ARPC3: variants seen among roughly 807,000 people sequenced by gnomAD.
The protein encoded by ARPC3 is actin related protein 2/3 complex subunit 3.
Under a neutral mutation model 27.6 loss-of-function variants are expected in ARPC3, and 12 were observed. The ratio of observed to expected loss-of-function variants is 0.43; its 90% confidence interval spans 0.28 to 0.70. The LOEUF (loss-of-function observed/expected upper bound fraction) is 0.70, where lower values mean the gene tolerates loss of function less well. Ranked by LOEUF, ARPC3 falls within the 30% of genes least tolerant of loss-of-function variation. ARPC3 has a pLI of 0.17. For synonymous variants in ARPC3, 53 were observed against 67.2 expected, an observed-to-expected ratio of 0.79 and a Z score of 1.03; for missense variants, 153 against 207.7, an observed-to-expected ratio of 0.74 and a Z score of 1.62.
At chr12:110,441,348 G>A (rs1436923665) in intron 2 of ARPC3, among the ~76,000 whole-genome samples, 1 of 151,450 alleles carries the variant, frequency 6.6e-6, no homozygotes, top group African/African-American at 2.4e-5. Flanking sequence ...GGTCAGGCTG[G>A]TCTCGAACTC....
chr12:110,443,428 A>G (rs1214782183), intron 2 of ARPC3, among the ~76,000 whole-genome samples: 2 of 148,616 alleles, frequency 1.3e-5, no homozygotes, highest in African/African-American at 2.5e-5. Flanking sequence ...GCCACGCCCT[A>G]TTTTTTATTT....
chr12:110,438,651 A>T (rs574536859), intron 3 of ARPC3, among the ~76,000 whole-genome samples: 9 of 142,594 alleles, frequency 6.3e-5, no homozygotes, highest in East Asian at 2.1e-4. Context: ...TTTCCTATAT[A>T]TTTTTTTTTT....
intron 2 of ARPC3, among the ~76,000 whole-genome samples, chr12:110,443,281 G>A (rs932094955): frequency 6.6e-6 from 1 of 151,898 alleles, no homozygotes; most frequent in Admixed American, 6.6e-5. Flanking sequence ...ACCACGCTTG[G>A]CTAATTTTTT....
intron 1 of ARPC3, among the ~76,000 whole-genome samples, chr12:110,445,964 C>A (rs1052812979): frequency 6.6e-6 from 1 of 151,800 alleles, no homozygotes; most frequent in Non-Finnish European, 1.5e-5. Context: ...ATTAGCCAGG[C>A]GTGGCGGCGT....
At chr12:110,447,856 C>T (rs1454838571) in intron 1 of ARPC3, among the ~76,000 whole-genome samples, 3 of 147,956 alleles carry the variant, frequency 2.0e-5, no homozygotes, top group Non-Finnish European at 4.5e-5. Flanking sequence ...GCTCTATGTG[C>T]GATTGGAACC....
chr12:110,442,126 C>T (rs971971360), intron 2 of ARPC3, among the ~76,000 whole-genome samples: 3 of 151,838 alleles, frequency 2.0e-5, no homozygotes, highest in African/African-American at 7.3e-5. Context: ...CTCCTGCCTC[C>T]TGAGTAGCTA....
At chr12:110,437,872 A>G (rs1430001868) in intron 3 of ARPC3, among the ~76,000 whole-genome samples, 1 of 152,202 alleles carries the variant, frequency 6.6e-6, no homozygotes, top group East Asian at 1.9e-4. Flanking sequence ...TAAAGGAGGA[A>G]GCAACTATTT....
chr12:110,445,592 G>C, intron 1 of ARPC3, 41 bp from the exon 2 acceptor site: 1 of 1,431,804 alleles, frequency 7.0e-7, no homozygotes, highest in Non-Finnish European at 9.9e-7. Context: ...AGCAGAAAAA[G>C]AGCAAATGTC....
intron 2 of ARPC3, among the ~76,000 whole-genome samples, chr12:110,441,675 C>G (rs578182759): frequency 6.6e-6 from 1 of 151,942 alleles, no homozygotes; most frequent in Non-Finnish European, 1.5e-5. Context: ...GGACTACAGG[C>G]ATGCACCATG....
intron 2 of ARPC3, 93 bp from the exon 3 acceptor site, chr12:110,440,481 TGTCAACA>T: frequency 1.2e-6 from 1 of 809,594 alleles, no homozygotes; most frequent in Non-Finnish European, 2.2e-6. Flanking sequence ...CACATACAAC[TGTCAACA>T]GTTGTGGAGT....
In ARPC3 at chr12:110,435,160, G is replaced by A. The variant is rs1372405968; in HGVS notation, c.532C>T (p.Gln178Ter). Residue 178 changes from glutamine (Q) to a stop codon, truncating the protein, a stop_gained, in exon 7 of 7, where the codon CAG becomes TAG. Coordinates refer to ENST00000228825, the MANE Select transcript of ARPC3 (RefSeq NM_001278556.2). LOFTEE classifies it high-confidence loss of function. ...GGTGGCTGCCCGGGCTCCCTTCACT[G>A]TCCAGGTCCTGAAAGACTCTTGTTC... Reference protein sequence around the residue: ...FMNKSLSGPGQ With the variant: ...FMNKSLSGPG 1.2e-6 allele frequency: 2 copies of A among 1,613,584 alleles called. No individual in the cohort carries two copies. The highest frequency in any genetic ancestry group is 2.2e-5 in the East Asian group (1 of 44,882).
chr12:110,440,291 A>G (rs762634890), intron 3 of ARPC3, 21 bp downstream of exon 3: 21 of 1,541,758 alleles, frequency 1.4e-5, no homozygotes, highest in African/African-American at 2.7e-5. Context: ...TAAGTTAAAT[A>G]TTAAAAGCTC....
intron 1 of ARPC3, 88 bp downstream of exon 1, chr12:110,450,167 C>A: frequency 6.4e-7 from 1 of 1,573,096 alleles, no homozygotes; most frequent in Non-Finnish European, 8.7e-7. Context: ...CTCTGCCTTC[C>A]GCCGCCCGCT....
chr12:110,439,224 G>A (rs2062422341), intron 3 of ARPC3, among the ~76,000 whole-genome samples: 1 of 151,994 alleles, frequency 6.6e-6, no homozygotes, highest in Non-Finnish European at 1.5e-5. Flanking sequence ...GGCATCATGT[G>A]ATCCACCCGC....
intron 1 of ARPC3, among the ~76,000 whole-genome samples, chr12:110,448,787 G>C (rs566208282): frequency 5.6e-5 from 6 of 107,702 alleles, no homozygotes; most frequent in Admixed American, 2.5e-4. Flanking sequence ...CCGGGGGGGG[G>C]GGGGGTGGTG....
At chr12:110,439,825 C>A (rs1321052995) in intron 3 of ARPC3, among the ~76,000 whole-genome samples, 1 of 152,160 alleles carries the variant, frequency 6.6e-6, no homozygotes, top group Non-Finnish European at 1.5e-5. Flanking sequence ...CGGAGCAAGA[C>A]CCTGTCTCAA....
rs554124460 is a variant in ARPC3 at position 110,442,446 on chromosome 12, A to G, written c.107-2058T>C. Among the ~76,000 whole-genome samples the G allele has an allele frequency of 2.0e-5, 3 of 152,172 alleles. No individual in the cohort carries two copies. The East Asian group carries it at 5.8e-4, about 29-fold the overall frequency. ...AACATGGAGAAACCCTGTCTCTACT[A>G]AAAATACAAAAACTAGCCGGGCATG... On this transcript the variant is annotated intron_variant, in intron 2 of 6. Transcript: ENST00000228825.
chr12:110,442,663 T>C (rs1206607818), intron 2 of ARPC3: 2 of 151,866 alleles, frequency 1.3e-5, no homozygotes, highest in African/African-American at 4.8e-5. Flanking sequence ...GTATTCAATA[T>C]AATTTTATTT....
At chr12:110,441,352 C>T (rs902974755) in intron 2 of ARPC3, among the ~76,000 whole-genome samples, 1 of 146,864 alleles carries the variant, frequency 6.8e-6, no homozygotes, top group African/African-American at 2.5e-5. Context: ...AGGCTGGTCT[C>T]GAACTCCTGA....
Sources: gnomAD v4.1 joint callset for allele counts (sites outside exome capture counted in the v4.1 genomes callset) on GRCh38, gnomAD v4.1.1 for gene constraint, MANE v1.5 for transcripts, NCBI Gene and HGNC (gene_info 2026-07-23, HGNC 2026-07-21) for gene names.